The following FAM135B variants were observed in gnomAD, a reference collection of about 807,000 sequenced individuals.
FAM135B encodes the protein family with sequence similarity 135 member B.
Under a neutral mutation model 127.7 loss-of-function variants are expected in FAM135B, and 43 were observed. The observed-to-expected ratio is 0.34, with a 90% confidence interval of 0.26 to 0.43. The LOEUF is 0.43. Ranked by LOEUF, FAM135B falls within the 20% of genes least tolerant of loss-of-function variation. The pLI is 1.00. For synonymous variants in FAM135B, 670 were observed against 665.1 expected (o/e 1.01, Z -0.11); for missense variants, 1,558 against 1,725.6 (o/e 0.90, Z 1.72).
In FAM135B at chr8:138,246,037, C is replaced by G. The variant is rs574815877; in HGVS notation, c.543-2969G>C. On this transcript the variant is annotated intron_variant, in intron 6 of 19. Transcript: ENST00000395297. ...GCAAAGACAACATTTTGCCCCTTCC[C>G]TAGAGATCTGTGGAATTTTGAACTT... is the stretch of plus-strand genomic sequence containing the variant. 2.4e-4 allele frequency among the ~76,000 whole-genome samples: 36 copies of G among 152,250 alleles called. No individual in the cohort carries two copies. In the South Asian group the frequency reaches 7.0e-3, roughly 30 times the overall value.
At chr8:138,406,710 C>T (rs925881311) in intron 1 of FAM135B, among the ~76,000 whole-genome samples, 3 of 151,486 alleles carry the variant, frequency 2.0e-5, no homozygotes, top group African/African-American at 4.9e-5. Flanking sequence ...AATTCAACAA[C>T]CGTTCATGCT....
chr8:138,455,594 A>G (rs1836730816), intron 1 of FAM135B, among the ~76,000 whole-genome samples: 1 of 152,168 alleles, frequency 6.6e-6, no homozygotes, highest in Non-Finnish European at 1.5e-5. Flanking sequence ...TTTATGGAAG[A>G]GACAACTGAG....
chr8:138,467,754 T>C (rs1837454989), intron 1 of FAM135B, among the ~76,000 whole-genome samples: 2 of 152,174 alleles, frequency 1.3e-5, no homozygotes, highest in South Asian at 4.1e-4. Flanking sequence ...AGATATAACA[T>C]CAAAAGAAAT....
intron 3 of FAM135B, among the ~76,000 whole-genome samples, chr8:138,282,775 T>C (rs1474222264): frequency 6.6e-6 from 1 of 152,116 alleles, no homozygotes; most frequent in Non-Finnish European, 1.5e-5. Flanking sequence ...CGTTTGGTGG[T>C]TTCTTACAAA....
chr8:138,377,678 C>A (rs549347830), intron 1 of FAM135B, among the ~76,000 whole-genome samples: 5 of 152,302 alleles, frequency 3.3e-5, no homozygotes, highest in African/African-American at 4.8e-5. Context: ...TGGCAGAAAT[C>A]AGAGCAGGAT....
chr8:138,133,549 G>C (rs1479444878), intron 19 of FAM135B, among the ~76,000 whole-genome samples: 1 of 152,146 alleles, frequency 6.6e-6, no homozygotes, highest in Non-Finnish European at 1.5e-5. Flanking sequence ...CCTGAGAGCT[G>C]GGATATTTTA....
chr8:138,134,828 G>A (rs750545847), intron 19 of FAM135B, among the ~76,000 whole-genome samples: 5 of 152,040 alleles, frequency 3.3e-5, no homozygotes, highest in African/African-American at 4.8e-5. Flanking sequence ...AAGAGAGGGC[G>A]ATTTTTTCTT....
At position 138,258,803 on chromosome 8, in the gene FAM135B, C is replaced by CCACACACACACACACA. The variant is rs57817492; in HGVS notation, c.298-2060_298-2045dup. 2.9e-3 allele frequency among the ~76,000 whole-genome samples: 418 copies of CCACACACACACACACA among 146,624 alleles called. 1 individual carries two copies. The highest frequency in any genetic ancestry group is 9.4e-3 in the African/African-American group (368 of 39,126). On this transcript the variant is annotated intron_variant, in intron 4 of 19. Transcript: ENST00000395297. ...CCCTCCCTTCAAAAAGACACACACA[C>CCACACACACACACACA]CACACACACACACACACACACACAC...
intron 1 of FAM135B, among the ~76,000 whole-genome samples, chr8:138,451,981 A>G (rs1836510386): frequency 6.6e-6 from 1 of 152,198 alleles, no homozygotes; most frequent in African/African-American, 2.4e-5. Flanking sequence ...CACCTTGCTC[A>G]TAATTTTTAT....
At chr8:138,363,852 A>G (rs894157391) in intron 2 of FAM135B, among the ~76,000 whole-genome samples, 3 of 152,044 alleles carry the variant, frequency 2.0e-5, no homozygotes, top group Non-Finnish European at 2.9e-5. Context: ...GATGGAGGAG[A>G]TATTTCTCAT....
chr8:138,396,482 T>G (rs1458139472), intron 1 of FAM135B, among the ~76,000 whole-genome samples: 1 of 152,150 alleles, frequency 6.6e-6, no homozygotes. Flanking sequence ...GGACAAGGCA[T>G]AGCAGGCTCA....
intron 1 of FAM135B, chr8:138,441,700 G>C (rs1835776279): frequency 6.6e-6 from 1 of 151,778 alleles, no homozygotes; most frequent in African/African-American, 2.4e-5. Flanking sequence ...CCAATTCTCT[G>C]CTTTCTGCCA....
chr8:138,133,165 TG>T (rs1315437096), intron 19 of FAM135B, among the ~76,000 whole-genome samples: 2 of 152,148 alleles, frequency 1.3e-5, no homozygotes, highest in Non-Finnish European at 2.9e-5. Context: ...CAGGGGATCT[TG>T]GGGGTTGGAA....
chr8:138,478,334 C>T (rs995690761), intron 1 of FAM135B, among the ~76,000 whole-genome samples: 2 of 152,070 alleles, frequency 1.3e-5, no homozygotes, highest in South Asian at 2.1e-4. Context: ...CCTTGGAATG[C>T]CTTTTTCCCC....
chr8:138,418,243 G>A (rs1018578663), intron 1 of FAM135B, among the ~76,000 whole-genome samples: 1 of 152,080 alleles, frequency 6.6e-6, no homozygotes, highest in Non-Finnish European at 1.5e-5. Context: ...TCAGACAAAA[G>A]TAAAGTGAAA....
At chr8:138,451,891 C>T (rs1052219853) in intron 1 of FAM135B, among the ~76,000 whole-genome samples, 14 of 152,062 alleles carry the variant, frequency 9.2e-5, no homozygotes, top group African/African-American at 4.8e-5. Flanking sequence ...CAAGACATTG[C>T]GGTATAGTCT....
intron 1 of FAM135B, among the ~76,000 whole-genome samples, chr8:138,409,120 T>C (rs1410777230): frequency 6.6e-6 from 1 of 152,206 alleles, no homozygotes; most frequent in Non-Finnish European, 1.5e-5. Context: ...GCTTAATCAT[T>C]TCTAGCTTTT....
intron 1 of FAM135B, among the ~76,000 whole-genome samples, chr8:138,464,053 T>C (rs1365276341): frequency 6.6e-6 from 1 of 152,190 alleles, no homozygotes; most frequent in Non-Finnish European, 1.5e-5. Flanking sequence ...CACGTAAATG[T>C]CCGTATTCAC....
intron 7 of FAM135B, among the ~76,000 whole-genome samples, chr8:138,204,995 A>G (rs1817446080): frequency 6.6e-6 from 1 of 152,174 alleles, no homozygotes; most frequent in East Asian, 1.9e-4. Context: ...AGTGTTCATG[A>G]TATGTCTGCT....
Sources: allele counts gnomAD v4.1 joint callset (sites outside exome capture counted in the v4.1 genomes callset), GRCh38; gene constraint gnomAD v4.1.1; transcripts MANE v1.5; gene names NCBI Gene and HGNC (gene_info 2026-07-23, HGNC 2026-07-21).